Variants in AHCYL1 observed in about 807,000 individuals in gnomAD.
AHCYL1 encodes S-adenosylhomocysteine hydrolase-like protein 1.
Under a neutral mutation model 79.3 loss-of-function variants are expected in AHCYL1, and 20 were observed. The ratio of observed to expected loss-of-function variants is 0.25; its 90% CI spans 0.18 to 0.37. AHCYL1 has a LOEUF of 0.37. Among genes scored for constraint, AHCYL1 ranks in the 10% least tolerant of loss-of-function variants. The pLI is 1.00. For missense variants in AHCYL1, 330 were observed against 673.6 expected (o/e 0.49, Z 5.65); for synonymous variants, 223 against 242.2 (o/e 0.92, Z 0.74).
At chr1:110,002,689 T>C (rs1336695259) in intron 1 of AHCYL1, among the ~76,000 whole-genome samples, 1 of 152,206 alleles carries the variant, frequency 6.6e-6, no homozygotes, top group African/African-American at 2.4e-5. Flanking sequence ...AATTAACTTT[T>C]ACTTGCAAAA....
chr1:110,007,537 T>C (rs1305197038), intron 1 of AHCYL1, among the ~76,000 whole-genome samples: 1 of 152,192 alleles, frequency 6.6e-6, no homozygotes, highest in Admixed American at 6.5e-5. Flanking sequence ...CACTGCAATC[T>C]GGTGCTCCCC....
chr1:110,006,092 G>T (rs1198626176), intron 1 of AHCYL1, among the ~76,000 whole-genome samples: 1 of 152,154 alleles, frequency 6.6e-6, no homozygotes, highest in Admixed American at 6.5e-5. Context: ...GTAGACTTCT[G>T]TATTTGGGTG....
chr1:109,985,038 C>T lies in AHCYL1; in HGVS notation c.-15C>T, dbSNP rs768758601. 2.6e-6 allele frequency: 4 copies of T among 1,549,846 alleles called. No individual in the cohort carries two copies. Among genetic ancestry groups the T allele is most frequent in the South Asian group, 2.4e-5 (2 of 84,166 alleles). ...CGGGGGCGGCGGGTCAGCCGCTGGC[C>T]GGGCCGGCCGGGGAATGTCGATGCC... On this transcript the variant is annotated 5_prime_UTR_variant, in exon 1 of 17. Transcript: ENST00000369799.
chr1:110,014,739 G>A lies in AHCYL1; in HGVS notation c.581-24G>A, dbSNP rs762275951. On this transcript the variant is annotated intron_variant, in intron 5 of 16. Transcript: ENST00000369799. ...AGGACACTCCTCAAAGGAGGAATCA[G>A]CTGATTCATTTCTGTCTCTACAGGA... 1.8e-5 allele frequency: 29 copies of A among 1,589,142 alleles called. 1 individual carries two copies. The East Asian group carries it at 4.9e-4, about 27-fold the overall frequency.
At chr1:110,014,037 G>A (rs1198454768) in intron 5 of AHCYL1, among the ~76,000 whole-genome samples, 1 of 151,950 alleles carries the variant, frequency 6.6e-6, no homozygotes, top group Non-Finnish European at 1.5e-5. Context: ...CTGACCTCAA[G>A]TGATCTGCCT....
At chr1:110,014,978 G>A (rs1390233054) in intron 6 of AHCYL1, 121 bp downstream of exon 6, 2 of 918,844 alleles carry the variant, frequency 2.2e-6, no homozygotes, top group South Asian at 1.5e-5. Context: ...TGTTGCTAAA[G>A]TGTTTAGCTT....
chr1:110,003,191 A>G (rs897599111), intron 1 of AHCYL1, among the ~76,000 whole-genome samples: 1 of 152,210 alleles, frequency 6.6e-6, no homozygotes, highest in Non-Finnish European at 1.5e-5. Flanking sequence ...ATATAGAATA[A>G]TTGTTAATAT....
At chr1:110,000,665 A>C (rs1650261849) in intron 1 of AHCYL1, among the ~76,000 whole-genome samples, 1 of 152,180 alleles carries the variant, frequency 6.6e-6, no homozygotes, top group Non-Finnish European at 1.5e-5. Context: ...CTTGGAAATA[A>C]AGGGGAAAGC....
At chr1:110,007,457 T>C (rs536303637) in intron 1 of AHCYL1, among the ~76,000 whole-genome samples, 125 of 152,324 alleles carry the variant, frequency 8.2e-4, no homozygotes, top group African/African-American at 2.8e-3. Context: ...TTACTGACTG[T>C]AGAAATCAGT....
intron 1 of AHCYL1, among the ~76,000 whole-genome samples, chr1:109,999,088 TG>T (rs1273435948): frequency 6.6e-6 from 1 of 152,016 alleles, no homozygotes; most frequent in Non-Finnish European, 1.5e-5. Flanking sequence ...GCCCAGAATT[TG>T]GGGTTGCAGT....
intron 1 of AHCYL1, among the ~76,000 whole-genome samples, chr1:109,985,883 G>GAAGATT (rs1034342555): frequency 3.2e-4 from 49 of 152,288 alleles, no homozygotes; most frequent in African/African-American, 1.2e-3. Context: ...GGTGGTAAGG[G>GAAGATT]AAGATTGCTC....
chr1:110,001,572 C>T (rs1650316910), intron 1 of AHCYL1, among the ~76,000 whole-genome samples: 1 of 152,048 alleles, frequency 6.6e-6, no homozygotes, highest in Admixed American at 6.5e-5. Context: ...GTGAAAAAAA[C>T]AAGGTGCAGA....
intron 9 of AHCYL1, among the ~76,000 whole-genome samples, chr1:110,016,939 C>T (rs1352421524): frequency 1.3e-5 from 2 of 152,142 alleles, no homozygotes; most frequent in Non-Finnish European, 2.9e-5. Flanking sequence ...TACCATTTTG[C>T]CTTGTGGAAT....
At chr1:110,000,967 G>T (rs981388702) in intron 1 of AHCYL1, 1 of 984,954 alleles carries the variant, frequency 1.0e-6, no homozygotes, top group Non-Finnish European at 1.2e-6. Context: ...AGGCATTCAG[G>T]ATCTTGGTGT....
intron 1 of AHCYL1, among the ~76,000 whole-genome samples, chr1:110,005,116 A>G (rs17025328): frequency 0.013 from 1,911 of 152,338 alleles, 27 homozygotes; most frequent in South Asian, 0.042. Context: ...CCAGAGAATC[A>G]GTAGTGTACC....
chr1:110,020,676 A>T, intron 15 of AHCYL1, 55 bp from the exon 16 acceptor site: 2 of 1,518,472 alleles, frequency 1.3e-6, no homozygotes, highest in Non-Finnish European at 1.8e-6. Context: ...GGAAGTTATA[A>T]CTTGAGAGAC....
At chr1:109,996,658 G>T (rs187628188) in intron 1 of AHCYL1, among the ~76,000 whole-genome samples, 1 of 152,226 alleles carries the variant, frequency 6.6e-6, no homozygotes, top group Non-Finnish European at 1.5e-5. Context: ...ACGTCAGAGA[G>T]ACTTTAAATG....
At chr1:109,993,814 ACT>A (rs1055711030) in intron 1 of AHCYL1, among the ~76,000 whole-genome samples, 46 of 152,180 alleles carry the variant, frequency 3.0e-4, no homozygotes, top group African/African-American at 1.1e-3. Flanking sequence ...CATTAGGGAG[ACT>A]CTGTCCAAAG....
chr1:109,985,180 G>T lies in AHCYL1; in HGVS notation c.120+8G>T. The T allele has an allele frequency of 6.2e-7, 1 of 1,605,584 alleles. No individual in the cohort carries two copies. The highest frequency in any genetic ancestry group is 8.5e-7 in the Non-Finnish European group (1 of 1,176,484). ...ACCAAGGCGCCCAAGAAGGTGCGGG[G>T]GCTCTGGGTGGCGGCGGGGGCTCGG... On this transcript the variant is annotated splice_region_variant and intron_variant, in intron 1 of 16. Transcript: ENST00000369799.
Sources: allele counts gnomAD v4.1 joint callset (sites outside exome capture counted in the v4.1 genomes callset), GRCh38; gene constraint gnomAD v4.1.1; transcripts MANE v1.5; gene names NCBI Gene and HGNC (gene_info 2026-07-23, HGNC 2026-07-21).